The following THBS4 variants were observed in gnomAD, a reference collection of about 807,000 sequenced individuals.
THBS4 encodes thrombospondin 4.
Under a neutral mutation model 115.7 loss-of-function variants are expected in THBS4, and 90 were observed. The ratio of observed to expected loss-of-function variants is 0.78; its 90% CI spans 0.66 to 0.93. The LOEUF is 0.93. Among genes scored for constraint, THBS4 ranks in the 40% least tolerant of loss-of-function variants. THBS4 has a pLI of 0.00. For synonymous variants in THBS4, 460 were observed against 479.3 expected, an observed-to-expected ratio of 0.96 and a Z score of 0.53; for missense variants, 1,087 against 1,232.7, an observed-to-expected ratio of 0.88 and a Z score of 1.77.
intron 8 of THBS4, among the ~76,000 whole-genome samples, chr5:80,064,846 A>C (rs1833758551): frequency 6.6e-6 from 1 of 152,206 alleles, no homozygotes; most frequent in Admixed American, 6.5e-5. Context: ...TGGGCAAAAC[A>C]GATTAGACAC....
rs991890588 is a variant in THBS4 at position 80,053,315 on chromosome 5, C to A, written c.293-2470C>A. ...ATTATACTGTAATTTAAGTAGCCAG[C>A]CCTCTCCTTTTGGACATATATGTTG... On this transcript the variant is annotated intron_variant, in intron 2 of 21. Transcript: ENST00000350881. 9.2e-5 allele frequency among the ~76,000 whole-genome samples: 14 copies of A among 152,008 alleles called. 1 individual carries two copies. The highest frequency in any genetic ancestry group is 1.9e-4 in the Non-Finnish European group (13 of 67,992).
chr5:80,057,869 AT>A (rs1317809259), intron 3 of THBS4, among the ~76,000 whole-genome samples: 2 of 152,234 alleles, frequency 1.3e-5, no homozygotes, highest in African/African-American at 4.8e-5. Context: ...CTTATTTATT[AT>A]TATCTAAATT....
chr5:80,078,336 A>G, intron 17 of THBS4, 109 bp downstream of exon 17: 1 of 947,298 alleles, frequency 1.1e-6, no homozygotes, highest in Non-Finnish European at 1.5e-6. Context: ...GGCATTCTTC[A>G]CATTCGCTCT....
chr5:80,063,488 C>T (rs755243132), intron 8 of THBS4, among the ~76,000 whole-genome samples: 18 of 152,136 alleles, frequency 1.2e-4, no homozygotes, highest in Non-Finnish European at 1.9e-4. Context: ...CTGTAGGTTG[C>T]CTGTTCACTC....
Position 80,065,430 on chromosome 5 carries a change from T to C in THBS4, c.1147T>C (p.Cys383Arg), listed in dbSNP as rs762760653. 1.2e-6 allele frequency: 2 copies of C among 1,613,646 alleles called. No homozygotes were observed. The highest frequency in any genetic ancestry group is 3.3e-5 in the Admixed American group (2 of 59,798). Reference protein sequence around the residue: ...NKQVCTDIDECRNGACVPNSI... With the variant: ...NKQVCTDIDERRNGACVPNSI... ...CTAGGTCTGCACTGACATTGATGAGTGTCGAAATGGAGCGTGCGTTCCCAA... is the reference window on the plus strand; with the variant it reads ...CTAGGTCTGCACTGACATTGATGAGCGTCGAAATGGAGCGTGCGTTCCCAA... Residue 383 changes from cysteine (C) to arginine (R), a missense_variant, in exon 9 of 22, where the codon TGT (cysteine) becomes CGT (arginine). Cys to Arg is a radical substitution (Grantham distance 180, BLOSUM62 -3). Transcript: ENST00000350881.
rs1196087473 is a variant in THBS4, at chr5:80,070,732, T to C, written c.1542T>C (p.Asp514=). The stretch of plus-strand genomic sequence containing the variant: ...CTTGTGACGAGGATGCTGACGGAGA[T>C]GGGATCCTGAATGAGCAGGTACCTG... ...GDACDEDADG[D]GILNEQDNCV... is the part of the protein sequence containing the mutation. The change falls in exon 12 of 22, where the codon GAT becomes GAC. Residue 514 remains aspartate, a synonymous_variant. Transcript: ENST00000350881. 6 of 1,614,012 alleles carry C rather than the reference T, an allele frequency of 3.7e-6. No homozygotes were observed. The highest frequency in any genetic ancestry group is 5.1e-6 in the Non-Finnish European group (6 of 1,180,012).
intron 2 of THBS4, among the ~76,000 whole-genome samples, chr5:80,020,483 A>AAAAC (rs945978251): frequency 1.3e-5 from 2 of 152,150 alleles, no homozygotes; most frequent in African/African-American, 2.4e-5. Flanking sequence ...CAAAAAACAA[A>AAAAC]AAACAAACAA....
At chr5:79,996,409 TGGAAATCC>T (rs1831795909) in intron 1 of THBS4, among the ~76,000 whole-genome samples, 1 of 152,180 alleles carries the variant, frequency 6.6e-6, no homozygotes, top group Non-Finnish European at 1.5e-5. Flanking sequence ...AAGTTTTATT[TGGAAATCC>T]GGATTTTAGT....
intron 13 of THBS4, 51 bp downstream of exon 13, chr5:80,071,231 C>G (rs1834039253): frequency 2.0e-6 from 3 of 1,535,322 alleles, no homozygotes; most frequent in African/African-American, 2.8e-5. Flanking sequence ...TGACCTTGTT[C>G]CATTGTTCTC....
upstream of THBS4, among the ~76,000 whole-genome samples, chr5:80,031,243 TTCCTG>T (rs1247946025): frequency 1.3e-5 from 2 of 151,904 alleles, no homozygotes; most frequent in African/African-American, 2.4e-5. Flanking sequence ...GTGGTGAGGG[TTCCTG>T]TACATGGGCT....
intron 9 of THBS4, 140 bp from the exon 10 acceptor site, chr5:80,067,833 A>C: frequency 1.1e-6 from 1 of 929,122 alleles, no homozygotes; most frequent in Non-Finnish European, 1.6e-6. Context: ...ACATGTAAGC[A>C]AAGAAGAAGG....
At chr5:80,062,838 T>C (rs1200361018) in intron 8 of THBS4, among the ~76,000 whole-genome samples, 1 of 152,216 alleles carries the variant, frequency 6.6e-6, no homozygotes, top group Non-Finnish European at 1.5e-5. Context: ...TCTAGCTTCA[T>C]CCATGTCCCT....
At chr5:80,067,692 G>A (rs185806454) in intron 9 of THBS4, 251 of 293,564 alleles carry the variant, frequency 8.6e-4, no homozygotes, top group African/African-American at 4.6e-3. Context: ...TGCCCTCCAC[G>A]GTGGCGCGGG....
At chr5:80,065,856 TC>T in intron 9 of THBS4, among the ~76,000 whole-genome samples, 1 of 152,272 alleles carries the variant, frequency 6.6e-6, no homozygotes, top group Middle Eastern at 3.4e-3. Context: ...TTATTTATTT[TC>T]ATAAAACTTT....
At chr5:80,039,121 A>C (rs772100041) in intron 1 of THBS4, among the ~76,000 whole-genome samples, 16 of 152,082 alleles carry the variant, frequency 1.1e-4, no homozygotes, top group Non-Finnish European at 2.2e-4. Context: ...ATTTGTAAGA[A>C]CTCTTTATCA....
chr5:80,035,975 G>A lies in THBS4; in HGVS notation c.88+350G>A, dbSNP rs769419879. ...GGGTGAATTCCGGGTCCTGCACCCT[G>A]TGCCGGTTCCCTCCAGGCAGCCTTG... On this transcript the variant is annotated intron_variant, in intron 1 of 21. Coordinates refer to ENST00000350881, the MANE Select transcript of THBS4 (RefSeq NM_003248.6). This position sits in a 1 kb window ranked among gnomAD's most constrained non-coding sequence, Gnocchi z 4.6. 1 of 1,032,300 alleles carries A rather than the reference G, an allele frequency of 9.7e-7. No individual in the cohort carries two copies. The highest frequency in any genetic ancestry group is 1.2e-6 in the Non-Finnish European group (1 of 861,010). 63.9% of individuals were successfully genotyped at this position (1,032,300 alleles called of 1,614,324 possible). A position where few individuals can be genotyped will look rare whatever the true frequency, so the allele number is the denominator to read the frequency against.
At position 80,080,321 on chromosome 5, in the gene THBS4, G is replaced by A. The variant is rs116359139; in HGVS notation, c.2684+244G>A. The stretch of plus-strand genomic sequence containing the variant: ...ATAGAAGGAGCAGAGCTGAGGGGAC[G>A]ACCCAGCGTTGTGGGGTTGGTGCAT... On this transcript the variant is annotated intron_variant, in intron 20 of 21. Transcript: ENST00000350881. 1,058 of 475,892 alleles carry A rather than the reference G, an allele frequency of 2.2e-3. 9 individuals are homozygous for A. Among genetic ancestry groups the A allele is most frequent in the African/African-American group, 0.019 (963 of 51,880 alleles). 29.5% of individuals were successfully genotyped at this position (475,892 alleles called of 1,614,324 possible).
In THBS4 at chr5:80,061,714, A is replaced by AC. The variant is rs1833641311; in HGVS notation, c.1010dup (p.Val339ArgfsTer13). 1 of 1,607,016 alleles carries AC rather than the reference A, an allele frequency of 6.2e-7. No homozygotes were observed. Among genetic ancestry groups the AC allele is most frequent in the African/African-American group, 1.3e-5 (1 of 74,734 alleles). ...CTCCAGTGCAAATACCATCCCTGCTACCCGGGCGTGCACTGCATAAATTTG... is the reference window on the plus strand; with the variant it reads ...CTCCAGTGCAAATACCATCCCTGCTACCCCGGGCGTGCACTGCATAAATTTG... On this transcript the variant is annotated frameshift_variant, in exon 8 of 22. Transcript: ENST00000350881. LOFTEE classifies it high-confidence loss of function.
chr5:80,032,513 G>A (rs557829216), upstream of THBS4, among the ~76,000 whole-genome samples: 5 of 151,364 alleles, frequency 3.3e-5, no homozygotes, highest in African/African-American at 4.9e-5. Flanking sequence ...TCTGCAAGCT[G>A]AGGAGCAAGG....
Sources: allele counts gnomAD v4.1 joint callset (sites outside exome capture counted in the v4.1 genomes callset), GRCh38; gene constraint gnomAD v4.1.1; non-coding constraint Gnocchi (gnomAD v3.1); transcripts MANE v1.5; gene names NCBI Gene and HGNC (gene_info 2026-07-23, HGNC 2026-07-21).